UST: variants seen among roughly 807,000 people sequenced by gnomAD.
UST encodes chondroitin sulfate 2-O-sulfotransferase.
UST carries 21 observed loss-of-function variants against 45.6 expected under a neutral mutation model. The ratio of observed to expected loss-of-function variants is 0.46; its 90% CI spans 0.33 to 0.66. The LOEUF (loss-of-function observed/expected upper bound fraction) is 0.66, where lower values mean the gene tolerates loss of function less well. UST is among the 30% of genes least tolerant of loss of function. The pLI, the probability that UST is intolerant of heterozygous loss-of-function variation, is 0.02. For missense variants in UST, 463 were observed against 512.4 expected (o/e 0.90, Z 0.93); for synonymous variants, 215 against 200.6 (o/e 1.07, Z -0.61).
Position 149,009,398 on chromosome 6 carries a change from A to G in UST, c.682-9741A>G, listed in dbSNP as rs565768626. On this transcript the variant is annotated intron_variant, in intron 5 of 7. Transcript: ENST00000367463. Reference sequence around the variant, plus strand: ...GAGAAGATTATTTAAACACATACACACACACACAGAAACCAATATCTTAAG... The same window carrying G: ...GAGAAGATTATTTAAACACATACACGCACACACAGAAACCAATATCTTAAG... Among the ~76,000 whole-genome samples the G allele has an allele frequency of 3.9e-5, 6 of 152,322 alleles. No homozygotes were observed. In the South Asian group the frequency reaches 1.2e-3, roughly 32 times the overall value.
chr6:148,947,571 A>G (rs981011782), intron 3 of UST, among the ~76,000 whole-genome samples: 44 of 152,368 alleles, frequency 2.9e-4, no homozygotes, highest in African/African-American at 9.6e-4. Flanking sequence ...TACGCTAGGA[A>G]AATCCCGCTG....
intron 2 of UST, among the ~76,000 whole-genome samples, chr6:148,921,161 C>G (rs1779697927): frequency 6.6e-6 from 1 of 152,162 alleles, no homozygotes; most frequent in South Asian, 2.1e-4. Context: ...CTGGTGGCAA[C>G]CAGGCAGACA....
At chr6:149,013,544 A>G (rs1775850526) in intron 5 of UST, among the ~76,000 whole-genome samples, 2 of 152,232 alleles carry the variant, frequency 1.3e-5, no homozygotes, top group South Asian at 2.1e-4. Flanking sequence ...AAAGAGAAAA[A>G]AAAAGTTGGT....
intron 2 of UST, among the ~76,000 whole-genome samples, chr6:148,910,551 T>G (rs1779452620): frequency 6.6e-6 from 1 of 152,154 alleles, no homozygotes; most frequent in Admixed American, 6.5e-5. Flanking sequence ...CTTTAGGTCA[T>G]AACCACAGAC....
At chr6:149,035,776 A>AG (rs1477980746) in intron 7 of UST, among the ~76,000 whole-genome samples, 1 of 151,192 alleles carries the variant, frequency 6.6e-6, no homozygotes, top group African/African-American at 2.4e-5. Context: ...TAAAAAAAAA[A>AG]AGCGAAGAAA....
intron 1 of UST, among the ~76,000 whole-genome samples, chr6:148,861,527 T>C (rs1392390188): frequency 6.6e-6 from 1 of 152,190 alleles, no homozygotes; most frequent in African/African-American, 2.4e-5. Flanking sequence ...AGTTATTTCT[T>C]GCCTTCTGCT....
At chr6:148,842,926 C>T (rs1316936355) in intron 1 of UST, among the ~76,000 whole-genome samples, 22 of 152,008 alleles carry the variant, frequency 1.4e-4, no homozygotes, top group Admixed American at 1.4e-3. Context: ...AATAAAACAC[C>T]GGAAATAGAT....
intron 2 of UST, among the ~76,000 whole-genome samples, chr6:148,908,433 A>G (rs535113917): frequency 9.2e-5 from 14 of 152,314 alleles, no homozygotes; most frequent in African/African-American, 2.9e-4. Flanking sequence ...CACCAAAAGA[A>G]TCATTTCCAT....
At chr6:148,942,060 G>A (rs1780137555) in intron 3 of UST, among the ~76,000 whole-genome samples, 1 of 152,176 alleles carries the variant, frequency 6.6e-6, no homozygotes, top group Non-Finnish European at 1.5e-5. Flanking sequence ...TTGCAAACCT[G>A]TATAGAGGTA....
intron 7 of UST, among the ~76,000 whole-genome samples, chr6:149,028,492 G>T (rs948946533): frequency 6.6e-6 from 1 of 152,130 alleles, no homozygotes; most frequent in African/African-American, 2.4e-5. Context: ...AAATTGGAAG[G>T]AACAAATGAA....
intron 5 of UST, among the ~76,000 whole-genome samples, chr6:148,977,048 C>T (rs1781029545): frequency 6.6e-6 from 1 of 151,888 alleles, no homozygotes; most frequent in Non-Finnish European, 1.5e-5. Context: ...TCAGGTATAA[C>T]ATATCAATGT....
intron 5 of UST, among the ~76,000 whole-genome samples, chr6:149,015,595 A>G (rs1327564189): frequency 6.6e-6 from 1 of 152,170 alleles, no homozygotes; most frequent in Admixed American, 6.5e-5. Flanking sequence ...ATCTTAAACA[A>G]AAGTTTGAAA....
At chr6:149,026,338 A>T (rs374003834) in intron 7 of UST, among the ~76,000 whole-genome samples, 4 of 152,134 alleles carry the variant, frequency 2.6e-5, no homozygotes, top group African/African-American at 9.7e-5. Context: ...AAAAGTAAAA[A>T]TGAGAAACTG....
At chr6:148,806,361 C>G (rs1777145309) in intron 1 of UST, among the ~76,000 whole-genome samples, 1 of 152,128 alleles carries the variant, frequency 6.6e-6, no homozygotes, top group Non-Finnish European at 1.5e-5. Context: ...GTTTTTGAGA[C>G]AGAGTCTTGC....
chr6:149,029,496 G>GTA (rs1428714332), intron 7 of UST, among the ~76,000 whole-genome samples: 5 of 143,576 alleles, frequency 3.5e-5, no homozygotes, highest in African/African-American at 1.3e-4. Flanking sequence ...AATATATAAT[G>GTA]TATATATTAT....
chr6:149,013,159 G>A (rs1775839793), intron 5 of UST, among the ~76,000 whole-genome samples: 1 of 152,184 alleles, frequency 6.6e-6, no homozygotes, highest in Admixed American at 6.5e-5. Flanking sequence ...AAGTTTAAAT[G>A]ATAAATGCAG....
intron 3 of UST, among the ~76,000 whole-genome samples, chr6:148,951,912 T>C (rs1582918364): frequency 6.6e-6 from 1 of 152,230 alleles, no homozygotes; most frequent in East Asian, 1.9e-4. Flanking sequence ...GTTCTCAAAA[T>C]CTAACTACTA....
intron 5 of UST, among the ~76,000 whole-genome samples, chr6:148,995,709 C>G (rs981214564): frequency 6.6e-6 from 1 of 152,164 alleles, no homozygotes; most frequent in South Asian, 2.1e-4. Context: ...TGAGAGATCT[C>G]ACACAAAGAT....
intron 5 of UST, among the ~76,000 whole-genome samples, chr6:148,999,761 A>G (rs1284374447): frequency 2.2e-5 from 3 of 139,230 alleles, no homozygotes. Context: ...TTCACTCCTT[A>G]CATCCCAGGT....
Sources: allele counts gnomAD v4.1 joint callset (sites outside exome capture counted in the v4.1 genomes callset), GRCh38; gene constraint gnomAD v4.1.1; transcripts MANE v1.5; gene names NCBI Gene and HGNC (gene_info 2026-07-23, HGNC 2026-07-21).